Variants in KLHL13 observed in about 807,000 individuals in gnomAD.
KLHL13 encodes kelch like family member 13.
Under a neutral mutation model 37.1 loss-of-function variants are expected in KLHL13, and 10 were observed. That is an observed-to-expected ratio of 0.27 (90% confidence interval 0.17 to 0.46). The LOEUF is 0.46. Among genes scored for constraint, KLHL13 ranks in the 20% least tolerant of loss-of-function variants. The pLI is 1.00. For synonymous variants in KLHL13, 163 were observed against 181.2 expected (o/e 0.90, Z 0.81); for missense variants, 360 against 509.3 (o/e 0.71, Z 2.82).
intron 1 of KLHL13, among the ~76,000 whole-genome samples, chrX:117,972,185 CT>C (rs1253521600): frequency 8.9e-6 from 1 of 112,024 alleles, no homozygotes; most frequent in African/African-American, 3.2e-5. Context: ...CAAACTTACA[CT>C]TCAGAACTTG....
At chrX:118,116,744 C>T (rs1358178146) in exon 1 of KLHL13, 1 of 109,807 alleles carries the variant, frequency 9.1e-6, no homozygotes, top group Non-Finnish European at 1.9e-5. Flanking sequence ...TTCCAGGCTT[C>T]CCAGGAATAG....
At chrX:118,030,199 T>C (rs1482269441) in intron 1 of KLHL13, among the ~76,000 whole-genome samples, 1 of 111,638 alleles carries the variant, frequency 9.0e-6, no homozygotes, top group African/African-American at 3.3e-5. Context: ...ACAATCATTT[T>C]TCTGCTTATA....
At chrX:118,058,293 TC>T (rs1171591402) in intron 1 of KLHL13, among the ~76,000 whole-genome samples, 7 of 109,683 alleles carry the variant, frequency 6.4e-5, no homozygotes, top group Middle Eastern at 4.7e-3. Flanking sequence ...CTTCCCCTAC[TC>T]CCCCCCTCAT....
rs1372087573 is a variant in KLHL13, at chrX:118,096,201, AAG to A, written c.-56+20305_-56+20306del. On this transcript the variant is annotated intron_variant, in intron 1 of 6. Transcript: ENST00000371882. ...TGCTAGCAAGACTAATAAAGAAGAAAAGAGAGAAGAATCAAATAGACACAATA... is the reference window on the plus strand; with the variant it reads ...TGCTAGCAAGACTAATAAAGAAGAAAAGAGAAGAATCAAATAGACACAATA... Among the ~76,000 whole-genome samples the A allele has an allele frequency of 1.3e-4, 14 of 111,767 alleles. No homozygotes were observed. In the East Asian group the frequency reaches 2.0e-3, roughly 16 times the overall value.
intron 1 of KLHL13, among the ~76,000 whole-genome samples, chrX:118,020,745 A>G (rs1312080365): frequency 9.1e-6 from 1 of 110,485 alleles, no homozygotes; most frequent in Non-Finnish European, 1.9e-5. Context: ...ACTAACCCAA[A>G]TGTCTAACAA....
Position 117,918,690 on chromosome X carries a change from G to A in KLHL13, c.570+831C>T, listed in dbSNP as rs186424661. Reference sequence around the variant, plus strand: ...GGTGACTATCATTAAGTACTCCATCGATTGGTAGTTGTATGTGTCCTATCT... The same window carrying A: ...GGTGACTATCATTAAGTACTCCATCAATTGGTAGTTGTATGTGTCCTATCT... On this transcript the variant is annotated intron_variant, in intron 4 of 6. Coordinates refer to ENST00000262820, the Ensembl canonical transcript of KLHL13. Among the ~76,000 whole-genome samples the A allele has an allele frequency of 9.0e-5, 10 of 111,371 alleles. No individual in the cohort carries two copies. The East Asian group carries it at 1.7e-3, about 19-fold the overall frequency.
chrX:117,941,059 G>A (rs1275040392), intron 2 of KLHL13, among the ~76,000 whole-genome samples: 5 of 111,444 alleles, frequency 4.5e-5, no homozygotes, highest in Admixed American at 9.6e-5. Context: ...TTGCCCATTC[G>A]GTATAATATT....
intron 1 of KLHL13, among the ~76,000 whole-genome samples, chrX:118,080,269 A>G (rs1223302940): frequency 2.7e-5 from 3 of 112,034 alleles, no homozygotes; most frequent in Non-Finnish European, 5.6e-5. Flanking sequence ...AAAATTTGAC[A>G]AACGAGACCT....
exon 1 of KLHL13, chrX:117,972,917 G>A (rs1377407614): frequency 4.4e-6 from 5 of 1,135,617 alleles, no homozygotes; most frequent in Non-Finnish European, 5.8e-6. Flanking sequence ...TACTGACACA[G>A]CAGTGGCTGC....
At chrX:117,904,978 C>A (rs1930401274) in intron 5 of KLHL13, among the ~76,000 whole-genome samples, 1 of 111,271 alleles carries the variant, frequency 9.0e-6, no homozygotes, top group African/African-American at 3.3e-5. Flanking sequence ...CCATAGGAAT[C>A]CAGAATCGGT....
At chrX:118,024,530 C>T (rs1185457958) in intron 1 of KLHL13, among the ~76,000 whole-genome samples, 2 of 111,507 alleles carry the variant, frequency 1.8e-5, no homozygotes, top group Non-Finnish European at 1.9e-5. Flanking sequence ...GAACTAAAAC[C>T]TCCTAATAAT....
At chrX:117,957,588 A>T (rs1476142687) in intron 1 of KLHL13, among the ~76,000 whole-genome samples, 1 of 112,409 alleles carries the variant, frequency 8.9e-6, no homozygotes, top group Admixed American at 9.5e-5. Flanking sequence ...CATTTTTAAC[A>T]CAAAGAAAAT....
intron 2 of KLHL13, among the ~76,000 whole-genome samples, chrX:117,944,314 T>C (rs780546764): frequency 1.8e-5 from 2 of 111,445 alleles, no homozygotes; most frequent in South Asian, 7.6e-4. Flanking sequence ...TATCTATTGA[T>C]GACCCACAGG....
intron 1 of KLHL13, among the ~76,000 whole-genome samples, chrX:118,077,797 C>T (rs751747312): frequency 1.8e-5 from 2 of 111,180 alleles, no homozygotes; most frequent in South Asian, 7.7e-4. Context: ...ATCCCTACTT[C>T]ACAATTGTAT....
chrX:118,029,022 C>CA (rs1204270020), intron 1 of KLHL13, among the ~76,000 whole-genome samples: 3 of 111,252 alleles, frequency 2.7e-5, no homozygotes, highest in African/African-American at 9.8e-5. Context: ...TCTCAGTTAT[C>CA]AAAAAAACAT....
intron 1 of KLHL13, among the ~76,000 whole-genome samples, chrX:118,059,317 G>A (rs965576839): frequency 2.7e-5 from 3 of 111,603 alleles, no homozygotes; most frequent in Non-Finnish European, 5.6e-5. Flanking sequence ...ACAAAATTCT[G>A]GAACAGTTCA....
intron 5 of KLHL13, among the ~76,000 whole-genome samples, chrX:117,904,420 C>A (rs745722745): frequency 1.8e-5 from 2 of 110,910 alleles, no homozygotes; most frequent in South Asian, 7.7e-4. Context: ...AGGGATGATG[C>A]AAGGCAAAGA....
intron 1 of KLHL13, among the ~76,000 whole-genome samples, chrX:118,090,235 A>G (rs1431587417): frequency 9.0e-6 from 1 of 111,356 alleles, no homozygotes; most frequent in Non-Finnish European, 1.9e-5. Context: ...ATGGGCGAGG[A>G]CTTCATGTCT....
At chrX:118,052,157 T>G in intron 1 of KLHL13, among the ~76,000 whole-genome samples, 1 of 110,992 alleles carries the variant, frequency 9.0e-6, no homozygotes, top group Non-Finnish European at 1.9e-5. Context: ...GAGAGGAGAT[T>G]AAAATCCTAT....
Sources: gnomAD v4.1 joint callset for allele counts (sites outside exome capture counted in the v4.1 genomes callset) on GRCh38, gnomAD v4.1.1 for gene constraint, MANE v1.5 for transcripts, NCBI Gene and HGNC (gene_info 2026-07-23, HGNC 2026-07-21) for gene names.